The following TBC1D19 variants were observed in gnomAD, a reference collection of about 807,000 sequenced individuals.
TBC1D19 encodes TBC1 domain family, member 19.
Under a neutral mutation model 89.0 loss-of-function variants are expected in TBC1D19, and 60 were observed. That is an observed-to-expected ratio of 0.67 (90% CI 0.55 to 0.84). The LOEUF (loss-of-function observed/expected upper bound fraction) is 0.84. TBC1D19 is among the 40% of genes least tolerant of loss of function. TBC1D19 has a pLI of 0.00. For synonymous variants in TBC1D19, 189 were observed against 199.7 expected, an observed-to-expected ratio of 0.95 and a Z score of 0.45; for missense variants, 500 against 610.8, an observed-to-expected ratio of 0.82 and a Z score of 1.91.
rs548543898 is a variant in TBC1D19, at chr4:26,749,647, A to T, written c.1435+1121A>T. On this transcript the variant is annotated intron_variant, in intron 19 of 20. Coordinates refer to ENST00000264866, the MANE Select transcript of TBC1D19 (RefSeq NM_018317.4). ...TTTTTAGTAGAGACGGGGTTTTACCATGTTGGCCAGGTTGGTCTGAAACTC... is the reference window on the plus strand; with the variant it reads ...TTTTTAGTAGAGACGGGGTTTTACCTTGTTGGCCAGGTTGGTCTGAAACTC... 2.6e-5 allele frequency among the ~76,000 whole-genome samples: 4 copies of T among 152,072 alleles called. No homozygotes were observed. In the East Asian group the frequency reaches 7.7e-4, roughly 29 times the overall value.
intron 7 of TBC1D19, among the ~76,000 whole-genome samples, chr4:26,655,145 C>T (rs138573866): frequency 6.6e-6 from 1 of 152,164 alleles, no homozygotes; most frequent in Non-Finnish European, 1.5e-5. Flanking sequence ...CACACCAGAC[C>T]CTATTTGCCT....
intron 8 of TBC1D19, among the ~76,000 whole-genome samples, chr4:26,665,585 A>G (rs1711734447): frequency 6.6e-6 from 1 of 152,080 alleles, no homozygotes; most frequent in South Asian, 2.1e-4. Flanking sequence ...TTATTTTAGC[A>G]GAGCACTTGA....
At chr4:26,689,079 G>A (rs1040362371) in intron 13 of TBC1D19, among the ~76,000 whole-genome samples, 5 of 151,966 alleles carry the variant, frequency 3.3e-5, no homozygotes, top group Non-Finnish European at 5.9e-5. Context: ...TGTATGAGCA[G>A]GTTTTTGTTT....
chr4:26,625,278 C>CA (rs1283178419), intron 4 of TBC1D19, among the ~76,000 whole-genome samples: 2 of 152,052 alleles, frequency 1.3e-5, no homozygotes, highest in African/African-American at 2.4e-5. Context: ...AGATGCTCCA[C>CA]AAAAAATGGT....
the TBC1D19 span, among the ~76,000 whole-genome samples, chr4:26,829,588 C>A: frequency 6.6e-6 from 1 of 152,136 alleles, no homozygotes; most frequent in African/African-American, 2.4e-5. Flanking sequence ...CATTTTTCCC[C>A]TCTCTCACAC....
At chr4:26,716,814 C>CT (rs34046523) in intron 13 of TBC1D19, among the ~76,000 whole-genome samples, 35 of 149,174 alleles carry the variant, frequency 2.3e-4, no homozygotes, top group African/African-American at 4.7e-4. Flanking sequence ...TAAAATTAAT[C>CT]TTTTTTTTTT....
chr4:26,786,783 G>T, the TBC1D19 span, among the ~76,000 whole-genome samples: 1 of 150,392 alleles, frequency 6.6e-6, no homozygotes, highest in African/African-American at 2.4e-5. Flanking sequence ...ATGGATGGAT[G>T]GATGGATGGA....
At chr4:26,596,455 CGTGTGTGT>C (rs35226421) in intron 1 of TBC1D19, among the ~76,000 whole-genome samples, 2 of 145,006 alleles carry the variant, frequency 1.4e-5, no homozygotes, top group Non-Finnish European at 3.1e-5. Flanking sequence ...AATGGTAACT[CGTGTGTGT>C]GTGTGTGTGT....
chr4:26,664,628 C>CTTT (rs34385885), intron 8 of TBC1D19, among the ~76,000 whole-genome samples: 1 of 136,224 alleles, frequency 7.3e-6, no homozygotes, highest in Non-Finnish European at 1.6e-5. Flanking sequence ...AGATGCAGTA[C>CTTT]TTTTTTTTTT....
In TBC1D19 at chr4:26,655,153, C is replaced by A. The variant is rs371261981; in HGVS notation, c.481-4444C>A. ...GGAGGTCCACACCAGACCCTATTTG[C>A]CTGGGTGTCAGCAGCGGCAGCTGCG... is the stretch of plus-strand genomic sequence containing the variant. On this transcript the variant is annotated intron_variant, in intron 7 of 20. Coordinates refer to ENST00000264866, the MANE Select transcript of TBC1D19 (RefSeq NM_018317.4). Among the ~76,000 whole-genome samples the A allele has an allele frequency of 3.3e-4, 51 of 152,318 alleles. No individual in the cohort carries two copies. In the East Asian group the frequency reaches 6.7e-3, roughly 20 times the overall value.
chr4:26,710,017 A>G (rs866907892), intron 13 of TBC1D19, among the ~76,000 whole-genome samples: 1 of 151,692 alleles, frequency 6.6e-6, no homozygotes, highest in Middle Eastern at 3.2e-3. Flanking sequence ...AATTTGTATC[A>G]GGGCAGAGTG....
At chr4:26,641,612 G>A (rs192419013) in intron 7 of TBC1D19, among the ~76,000 whole-genome samples, 1 of 145,208 alleles carries the variant, frequency 6.9e-6, no homozygotes, top group African/African-American at 2.4e-5. Context: ...TCAGAAAGTC[G>A]GTAATAACAC....
chr4:26,632,872 G>A (rs946860961), intron 4 of TBC1D19, among the ~76,000 whole-genome samples: 4 of 151,994 alleles, frequency 2.6e-5, no homozygotes, highest in African/African-American at 4.8e-5. Context: ...CTTCTTCTAC[G>A]TGTTCTTCCT....
At chr4:26,764,545 T>C in the TBC1D19 span, among the ~76,000 whole-genome samples, 4 of 152,362 alleles carry the variant, frequency 2.6e-5, no homozygotes, top group East Asian at 7.7e-4. Context: ...AAAGATGATA[T>C]ATCATCTTCA....
chr4:26,655,965 A>G (rs1452550905), intron 7 of TBC1D19, among the ~76,000 whole-genome samples: 2 of 151,942 alleles, frequency 1.3e-5, no homozygotes, highest in East Asian at 3.9e-4. Flanking sequence ...TGCGTCGCTC[A>G]CGCTGGGAGC....
At chr4:26,678,348 T>G (rs1713024995) in intron 11 of TBC1D19, among the ~76,000 whole-genome samples, 1 of 152,230 alleles carries the variant, frequency 6.6e-6, no homozygotes, top group Admixed American at 6.5e-5. Context: ...TTTAGGAGGT[T>G]TGTTTGCCAA....
intron 15 of TBC1D19, among the ~76,000 whole-genome samples, chr4:26,727,372 C>A (rs1717384925): frequency 6.6e-6 from 1 of 152,168 alleles, no homozygotes; most frequent in African/African-American, 2.4e-5. Context: ...GACTGTGTAG[C>A]CTTTTTTTGG....
chr4:26,753,871 C>A lies in TBC1D19; in HGVS notation c.1487C>A (p.Thr496Lys). ...AFRAVNLMEV[T>K]SLAAAEAVLA... is the part of the protein sequence containing the mutation. The stretch of plus-strand genomic sequence containing the variant: ...CGAGCAGTGAACCTGATGGAGGTGA[C>A]ATCACTGGCTGCAGCTGAAGTAAGG... The change falls in exon 20 of 21, where the codon ACA (threonine) becomes AAA (lysine). Residue 496 changes from threonine (T) to lysine (K), a missense_variant. By Grantham distance (78) the Thr-to-Lys change is moderately conservative. Coordinates refer to ENST00000264866, the MANE Select transcript of TBC1D19 (RefSeq NM_018317.4). 1.2e-6 allele frequency: 2 copies of A among 1,613,908 alleles called. No homozygotes were observed. Among genetic ancestry groups the A allele is most frequent in the South Asian group, 2.2e-5 (2 of 91,072 alleles).
At chr4:26,685,171 C>T (rs1713700419) in intron 12 of TBC1D19, among the ~76,000 whole-genome samples, 1 of 152,102 alleles carries the variant, frequency 6.6e-6, no homozygotes, top group Admixed American at 6.5e-5. Context: ...TAAAATAATG[C>T]AAGTGGAAGT....
Sources: gnomAD v4.1 joint callset for allele counts (sites outside exome capture counted in the v4.1 genomes callset) on GRCh38, gnomAD v4.1.1 for gene constraint, MANE v1.5 for transcripts, NCBI Gene and HGNC (gene_info 2026-07-23, HGNC 2026-07-21) for gene names.